Variants in SNTG1 observed in about 807,000 individuals in gnomAD.
The protein encoded by SNTG1 is syntrophin gamma 1, also known as gamma-1-syntrophin.
In SNTG1, 39 loss-of-function variants were observed where a neutral mutation model predicts 74.7. The observed-to-expected ratio is 0.52, with a 90% CI of 0.40 to 0.68. The LOEUF (loss-of-function observed/expected upper bound fraction) is 0.68, where lower values mean the gene tolerates loss of function less well. SNTG1 is among the 30% of genes least tolerant of loss of function. The probability of loss-of-function intolerance (pLI) is 0.00; values close to 1 mark genes in which losing one functional copy is unlikely to be tolerated. For missense variants in SNTG1, 685 were observed against 609.5 expected (o/e 1.12, Z -1.30); for synonymous variants, 254 against 217.1 (o/e 1.17, Z -1.49).
chr8:50,585,101 T>A (rs976079779), intron 12 of SNTG1, among the ~76,000 whole-genome samples: 2 of 152,184 alleles, frequency 1.3e-5, no homozygotes, highest in Admixed American at 6.5e-5. Flanking sequence ...AACAAGACCG[T>A]ATGCTTTGGC....
At chr8:50,228,290 A>G (rs895082940) in intron 2 of SNTG1, among the ~76,000 whole-genome samples, 2 of 152,000 alleles carry the variant, frequency 1.3e-5, no homozygotes, top group African/African-American at 4.8e-5. Flanking sequence ...AAGAAATGTG[A>G]GACCATTTCA....
intron 17 of SNTG1, among the ~76,000 whole-genome samples, chr8:50,749,917 G>A (rs780121127): frequency 6.6e-6 from 1 of 151,998 alleles, no homozygotes; most frequent in East Asian, 1.9e-4. Context: ...TGCAGTCCAT[G>A]AATCAAGGAG....
chr8:50,575,161 T>C (rs2130785588), intron 12 of SNTG1, among the ~76,000 whole-genome samples: 1 of 152,308 alleles, frequency 6.6e-6, no homozygotes, highest in South Asian at 2.1e-4. Context: ...GGAGAGCATA[T>C]GTATTTTTAA....
intron 1 of SNTG1, among the ~76,000 whole-genome samples, chr8:49,913,514 T>C (rs1805758085): frequency 6.6e-6 from 1 of 152,158 alleles, no homozygotes; most frequent in Admixed American, 6.5e-5. Flanking sequence ...CATTCTTAAC[T>C]GTCACCACTT....
At position 50,527,217 on chromosome 8, in the gene SNTG1, AT is replaced by A. The variant is rs1470956690; in HGVS notation, c.467-2955del. Among the ~76,000 whole-genome samples, 6 of 152,248 alleles carry A rather than the reference AT, an allele frequency of 3.9e-5. 1 individual carries two copies. In the South Asian group the frequency reaches 6.2e-4, roughly 16 times the overall value. On this transcript the variant is annotated intron_variant, in intron 9 of 18. Transcript: ENST00000642720. ...TTCTTTTTACTATTATAGTGCATGAATTTTTAAAAATATTATCTATATAAGC... is the reference window on the plus strand; with the variant it reads ...TTCTTTTTACTATTATAGTGCATGAATTTTAAAAATATTATCTATATAAGC...
intron 15 of SNTG1, among the ~76,000 whole-genome samples, chr8:50,694,567 CT>C (rs773661191): frequency 6.6e-5 from 10 of 152,022 alleles, no homozygotes; most frequent in Non-Finnish European, 1.5e-4. Context: ...TGAGGGAACA[CT>C]TCCAAACTCT....
intron 2 of SNTG1, among the ~76,000 whole-genome samples, chr8:50,338,899 A>G (rs1011807559): frequency 4.6e-5 from 7 of 152,142 alleles, no homozygotes; most frequent in South Asian, 2.1e-4. Flanking sequence ...ATTTTCCAAA[A>G]CTAATGACAG....
chr8:50,396,280 T>C (rs1347240236), intron 3 of SNTG1, among the ~76,000 whole-genome samples: 1 of 152,190 alleles, frequency 6.6e-6, no homozygotes, highest in Non-Finnish European at 1.5e-5. Flanking sequence ...CTATATGTGA[T>C]GCCAAAAGAC....
At chr8:50,391,298 C>T (rs191278142) in intron 2 of SNTG1, among the ~76,000 whole-genome samples, 28 of 152,226 alleles carry the variant, frequency 1.8e-4, no homozygotes, top group East Asian at 5.8e-4. Flanking sequence ...TGAATTTTGT[C>T]GAAGGTCTTT....
At chr8:50,496,984 A>AAG (rs1459222515) in intron 8 of SNTG1, among the ~76,000 whole-genome samples, 1 of 151,756 alleles carries the variant, frequency 6.6e-6, no homozygotes, top group Non-Finnish European at 1.5e-5. Context: ...AAAAATTGAA[A>AAG]AAAAAAACAC....
At chr8:50,126,306 G>T (rs1172242293) in intron 1 of SNTG1, among the ~76,000 whole-genome samples, 1 of 152,112 alleles carries the variant, frequency 6.6e-6, no homozygotes, top group Non-Finnish European at 1.5e-5. Context: ...TGTGTAGGTT[G>T]TGCCAGGCTG....
intron 2 of SNTG1, among the ~76,000 whole-genome samples, chr8:50,299,610 A>G (rs939696993): frequency 2.0e-5 from 3 of 152,308 alleles, no homozygotes; most frequent in South Asian, 4.1e-4. Context: ...GATCAAATTA[A>G]TTATAATAGT....
chr8:50,415,666 T>C (rs904490010), intron 4 of SNTG1, among the ~76,000 whole-genome samples: 1 of 152,148 alleles, frequency 6.6e-6, no homozygotes, highest in Non-Finnish European at 1.5e-5. Flanking sequence ...AAAACTTAAA[T>C]TATTTTTGTA....
At chr8:50,506,337 G>A (rs889824237) in intron 9 of SNTG1, among the ~76,000 whole-genome samples, 1 of 151,932 alleles carries the variant, frequency 6.6e-6, no homozygotes, top group African/African-American at 2.4e-5. Flanking sequence ...AATTCGTTGA[G>A]GTTTTGTATG....
At chr8:50,048,138 G>T (rs1047157934) in intron 1 of SNTG1, among the ~76,000 whole-genome samples, 14 of 152,012 alleles carry the variant, frequency 9.2e-5, no homozygotes, top group Non-Finnish European at 1.3e-4. Context: ...TTATTTATCA[G>T]ATTAAATAAC....
At chr8:50,511,211 T>G (rs2094070394) in intron 9 of SNTG1, among the ~76,000 whole-genome samples, 1 of 152,222 alleles carries the variant, frequency 6.6e-6, no homozygotes, top group Non-Finnish European at 1.5e-5. Flanking sequence ...TCAGTTTCCA[T>G]GTAGTTGAGC....
At position 50,385,057 on chromosome 8, in the gene SNTG1, AC is replaced by A. The variant is rs2092552419; in HGVS notation, c.-27-9154del. ...AGGGATTAGCTCCCAAATTCTGAGG[AC>A]TTGTCCTGTGATTCACCTACAGGGA... On this transcript the variant is annotated intron_variant, in intron 2 of 18. Transcript: ENST00000642720. Among the ~76,000 whole-genome samples, 4 of 152,304 alleles carry A rather than the reference AC, an allele frequency of 2.6e-5. No homozygotes were observed. The South Asian group carries it at 8.3e-4, about 32-fold the overall frequency.
At chr8:50,106,055 T>C (rs1009637340) in intron 1 of SNTG1, among the ~76,000 whole-genome samples, 8 of 152,170 alleles carry the variant, frequency 5.3e-5, no homozygotes, top group African/African-American at 1.9e-4. Flanking sequence ...TAGCTAGGAC[T>C]TCCAGTATGT....
chr8:50,502,027 C>T (rs977547504), intron 8 of SNTG1, among the ~76,000 whole-genome samples: 3 of 151,630 alleles, frequency 2.0e-5, no homozygotes, highest in African/African-American at 7.3e-5. Context: ...TTGCACATGG[C>T]TTATATTTTT....
Sources: gnomAD v4.1 joint callset for allele counts (sites outside exome capture counted in the v4.1 genomes callset) on GRCh38, gnomAD v4.1.1 for gene constraint, MANE v1.5 for transcripts, NCBI Gene and HGNC (gene_info 2026-07-23, HGNC 2026-07-21) for gene names.